Variants in GRID1 observed in about 807,000 individuals in gnomAD.
GRID1 encodes the protein glutamate ionotropic receptor delta type subunit 1, also known as glutamate receptor ionotropic, delta-1.
GRID1 carries 28 observed loss-of-function variants against 98.0 expected under a neutral mutation model. That is an observed-to-expected ratio of 0.29 (90% confidence interval 0.21 to 0.39). The LOEUF is 0.39. Ranked by LOEUF, GRID1 falls within the 10% of genes least tolerant of loss-of-function variation. The pLI, the probability that GRID1 is intolerant of heterozygous loss-of-function variation, is 1.00. For missense variants in GRID1, 1,111 were observed against 1,340.5 expected, an observed-to-expected ratio of 0.83 and a Z score of 2.67; for synonymous variants, 553 against 538.5, an observed-to-expected ratio of 1.03 and a Z score of -0.37.
chr10:85,958,547 T>C (rs1842223511), intron 4 of GRID1, among the ~76,000 whole-genome samples: 1 of 152,086 alleles, frequency 6.6e-6, no homozygotes, highest in African/African-American at 2.4e-5. Context: ...TCTGGGTGTG[T>C]CTGTGAGGGT....
chr10:86,134,699 C>T (rs1483288882), intron 4 of GRID1, among the ~76,000 whole-genome samples: 1 of 152,144 alleles, frequency 6.6e-6, no homozygotes, highest in Non-Finnish European at 1.5e-5. Flanking sequence ...CAGTAGGGAT[C>T]CCCTGACCCC....
At chr10:86,328,086 T>G (rs1031215566) in intron 2 of GRID1, among the ~76,000 whole-genome samples, 2 of 152,178 alleles carry the variant, frequency 1.3e-5, no homozygotes, top group Non-Finnish European at 2.9e-5. Context: ...TGGATTTATA[T>G]GAAATAGCAC....
At chr10:86,025,360 G>C (rs954873607) in intron 4 of GRID1, among the ~76,000 whole-genome samples, 1 of 152,220 alleles carries the variant, frequency 6.6e-6, no homozygotes, top group East Asian at 1.9e-4. Flanking sequence ...CAAGTGCAGA[G>C]ACCAGGCCTT....
intron 5 of GRID1, among the ~76,000 whole-genome samples, chr10:85,869,785 A>G (rs752268822): frequency 3.3e-5 from 5 of 152,160 alleles, no homozygotes; most frequent in Non-Finnish European, 5.9e-5. Flanking sequence ...TCTCATGGGC[A>G]TCCTAGGATG....
chr10:86,136,144 C>A (rs1044675321), intron 4 of GRID1, among the ~76,000 whole-genome samples: 2 of 152,218 alleles, frequency 1.3e-5, no homozygotes, highest in Non-Finnish European at 2.9e-5. Flanking sequence ...TCAAGAAGCC[C>A]ATGCAATGCC....
intron 3 of GRID1, among the ~76,000 whole-genome samples, chr10:86,194,428 G>A (rs796678576): frequency 1.1e-4 from 16 of 152,172 alleles, no homozygotes; most frequent in South Asian, 4.2e-4. Flanking sequence ...AACAATGCCC[G>A]GGGCATGGTT....
chr10:85,786,339 C>G (rs1164052761), intron 8 of GRID1, among the ~76,000 whole-genome samples: 1 of 152,218 alleles, frequency 6.6e-6, no homozygotes, highest in Non-Finnish European at 1.5e-5. Flanking sequence ...GATCCCTGTT[C>G]CCAAAAGGGT....
At position 86,192,927 on chromosome 10, in the gene GRID1, C is replaced by T. The variant is rs866595107; in HGVS notation, c.520+13437G>A. Among the ~76,000 whole-genome samples, 1 of 151,990 alleles carries T rather than the reference C, an allele frequency of 6.6e-6. No homozygotes were observed. Among genetic ancestry groups the T allele is most frequent in the Non-Finnish European group, 1.5e-5 (1 of 67,920 alleles). On this transcript the variant is annotated intron_variant, in intron 3 of 15. Transcript: ENST00000327946. The surrounding 1 kb of genome is among the most constrained non-coding windows in gnomAD (Gnocchi z 4.8). ...CTAAGGCTCCACTGTGTGTGGGTCC[C>T]TCTGCAAACAGAATGTGTGAGAGGC... is the stretch of plus-strand genomic sequence containing the variant.
chr10:85,901,227 TTTTATTTA>T (rs34330928), intron 5 of GRID1, among the ~76,000 whole-genome samples: 19,214 of 146,234 alleles, frequency 0.13, 1,402 homozygotes, highest in Middle Eastern at 0.26. Context: ...TTTTATTTTA[TTTTATTTA>T]TTTATTTATT....
intron 8 of GRID1, among the ~76,000 whole-genome samples, chr10:85,788,998 C>G (rs1376673281): frequency 6.6e-6 from 1 of 152,090 alleles, no homozygotes; most frequent in Non-Finnish European, 1.5e-5. Flanking sequence ...GCCCTAATTT[C>G]CCCCATTTCT....
Position 86,086,189 on chromosome 10 carries a change from A to G in GRID1, c.726+52630T>C, listed in dbSNP as rs369300762. Among the ~76,000 whole-genome samples, 899 of 150,466 alleles carry G rather than the reference A, an allele frequency of 6.0e-3. 12 individuals carry two copies. The highest frequency in any genetic ancestry group is 0.022 in the African/African-American group (879 of 40,842). ...GCTCCTTCCTGCCACAGAACTCACC[A>G]CCCTCCACAATTGTCTGCTCCACTT... is the stretch of plus-strand genomic sequence containing the variant. On this transcript the variant is annotated intron_variant, in intron 4 of 15. Transcript: ENST00000327946.
chr10:86,228,317 T>C (rs1032167015), intron 2 of GRID1, among the ~76,000 whole-genome samples: 1 of 31,942 alleles, frequency 3.1e-5, no homozygotes, highest in African/African-American at 1.3e-4. Flanking sequence ...AGGGGGTGGG[T>C]GGGGTGAATG....
At chr10:86,005,369 T>C (rs1842848561) in intron 4 of GRID1, among the ~76,000 whole-genome samples, 1 of 150,964 alleles carries the variant, frequency 6.6e-6, no homozygotes, top group Non-Finnish European at 1.5e-5. Flanking sequence ...AAGGCAAAAC[T>C]CTTTGCCCTC....
At chr10:85,730,374 G>A (rs775964283) in intron 8 of GRID1, among the ~76,000 whole-genome samples, 18 of 152,114 alleles carry the variant, frequency 1.2e-4, no homozygotes, top group Admixed American at 3.9e-4. Context: ...TCTATACAAC[G>A]ACAAAACTTT....
chr10:85,994,186 C>T (rs1210481390), intron 4 of GRID1, among the ~76,000 whole-genome samples: 1 of 151,878 alleles, frequency 6.6e-6, no homozygotes, highest in Non-Finnish European at 1.5e-5. Flanking sequence ...TGACCCAATG[C>T]CTCCAAACAG....
At position 86,192,684 on chromosome 10, in the gene GRID1, GTTGTATATATAT is replaced by G. The variant is rs769262890; in HGVS notation, c.520+13668_520+13679del. Among the ~76,000 whole-genome samples the G allele has an allele frequency of 6.6e-6, 1 of 152,056 alleles. No individual in the cohort carries two copies. Among genetic ancestry groups the G allele is most frequent in the Non-Finnish European group, 1.5e-5 (1 of 67,990 alleles). On this transcript the variant is annotated intron_variant, in intron 3 of 15. Transcript: ENST00000327946. This position sits in a 1 kb window ranked among gnomAD's most constrained non-coding sequence, Gnocchi z 4.8. The stretch of plus-strand genomic sequence containing the variant: ...AAATGGTTAACATGGTAAATTTTGT[GTTGTATATATAT>G]TTTTCCACAATAAAACAAAAAACTA...
chr10:85,908,460 TCTAAGGGATAAATC>T (rs141665643), intron 5 of GRID1, among the ~76,000 whole-genome samples: 2,855 of 152,270 alleles, frequency 0.019, 81 homozygotes, highest in African/African-American at 0.064. Flanking sequence ...AATATAAAAT[TCTAAGGGATAAATC>T]TCACAAAAAT....
intron 4 of GRID1, among the ~76,000 whole-genome samples, chr10:86,030,104 GA>G (rs1317118710): frequency 6.6e-6 from 1 of 152,192 alleles, no homozygotes; most frequent in Non-Finnish European, 1.5e-5. Flanking sequence ...AAGGAAGCAT[GA>G]AAGTTTTACT....
chr10:85,709,453 T>C (rs1841559270), intron 12 of GRID1, among the ~76,000 whole-genome samples: 1 of 152,200 alleles, frequency 6.6e-6, no homozygotes, highest in Non-Finnish European at 1.5e-5. Context: ...ACAAGACTAG[T>C]GGAACATACA....
Sources: gnomAD v4.1 joint callset for allele counts (sites outside exome capture counted in the v4.1 genomes callset) on GRCh38, gnomAD v4.1.1 for gene constraint, Gnocchi (gnomAD v3.1) non-coding constraint, MANE v1.5 for transcripts, NCBI Gene and HGNC (gene_info 2026-07-23, HGNC 2026-07-21) for gene names.